The following SPPL3 variants were observed in gnomAD, a reference collection of about 807,000 sequenced individuals.
The protein encoded by SPPL3 is signal peptide peptidase-like 3.
SPPL3 carries 5 observed loss-of-function variants against 42.4 expected under a neutral mutation model. The ratio of observed to expected loss-of-function variants is 0.12; its 90% CI spans 0.06 to 0.25. The LOEUF (loss-of-function observed/expected upper bound fraction) is 0.25, where lower values mean the gene tolerates loss of function less well. Among genes scored for constraint, SPPL3 ranks in the 10% least tolerant of loss-of-function variants. The pLI, the probability that SPPL3 is intolerant of heterozygous loss-of-function variation, is 1.00. For synonymous variants in SPPL3, 195 were observed against 181.8 expected (o/e 1.07, Z -0.58); for missense variants, 235 against 489.0 (o/e 0.48, Z 4.90).
At chr12:120,823,596 T>C (rs1159018236) in intron 1 of SPPL3, among the ~76,000 whole-genome samples, 1 of 152,214 alleles carries the variant, frequency 6.6e-6, no homozygotes, top group Non-Finnish European at 1.5e-5. Flanking sequence ...CCATCAGGGC[T>C]CTGTCATCAG....
intron 6 of SPPL3, among the ~76,000 whole-genome samples, chr12:120,781,444 G>A (rs563299620): frequency 7.4e-5 from 11 of 148,812 alleles, no homozygotes; most frequent in African/African-American, 1.5e-4. Flanking sequence ...TGTATATCAC[G>A]TACATAATGC....
intron 2 of SPPL3, among the ~76,000 whole-genome samples, chr12:120,797,024 G>A (rs1870120353): frequency 6.6e-6 from 1 of 152,146 alleles, no homozygotes; most frequent in South Asian, 2.1e-4. Context: ...ACAAAAATTA[G>A]CCAGGTGTGG....
At chr12:120,891,573 C>G (rs1460134719) in intron 1 of SPPL3, among the ~76,000 whole-genome samples, 1 of 151,902 alleles carries the variant, frequency 6.6e-6, no homozygotes, top group Non-Finnish European at 1.5e-5. Flanking sequence ...AAGCGTAATA[C>G]AAAGACTATG....
chr12:120,766,089 A>AGCGCGCGC (rs762176472), intron 10 of SPPL3, among the ~76,000 whole-genome samples, 174 bp downstream of exon 10: 2 of 142,668 alleles, frequency 1.4e-5, no homozygotes, highest in Non-Finnish European at 3.0e-5. Flanking sequence ...ACGCCAGGGT[A>AGCGCGCGC]GCGCGCGCGC....
intron 1 of SPPL3, among the ~76,000 whole-genome samples, chr12:120,861,002 G>A (rs988362632): frequency 6.6e-6 from 1 of 152,032 alleles, no homozygotes; most frequent in Non-Finnish European, 1.5e-5. Flanking sequence ...GGGCTCCACA[G>A]GACTCTCATA....
chr12:120,809,072 G>A (rs747320836), intron 2 of SPPL3, among the ~76,000 whole-genome samples: 15 of 152,196 alleles, frequency 9.9e-5, no homozygotes, highest in Admixed American at 6.5e-4. Flanking sequence ...TTGGCTGGGC[G>A]CAGTGGCTCA....
chr12:120,854,219 G>C (rs1375679772), intron 1 of SPPL3, among the ~76,000 whole-genome samples: 4 of 152,134 alleles, frequency 2.6e-5, no homozygotes, highest in Admixed American at 1.3e-4. Flanking sequence ...AGAGGAAACT[G>C]ACCCAAGGAA....
chr12:120,846,051 C>T (rs1872029507), intron 1 of SPPL3, among the ~76,000 whole-genome samples: 1 of 152,116 alleles, frequency 6.6e-6, no homozygotes, highest in Non-Finnish European at 1.5e-5. Context: ...TGCATGCCAC[C>T]ACGCCCAGCT....
In SPPL3 at chr12:120,763,341, A is replaced by C. The variant is rs1868740219; in HGVS notation, c.*1658T>G. 1 of 152,732 alleles carries C rather than the reference A, an allele frequency of 6.5e-6. No homozygotes were observed. Among genetic ancestry groups the C allele is most frequent in the Non-Finnish European group, 1.5e-5 (1 of 68,100 alleles). 9.5% of individuals were successfully genotyped at this position (152,732 alleles called of 1,614,324 possible). A position where few individuals can be genotyped will look rare whatever the true frequency, so the allele number is the denominator to read the frequency against. On this transcript the variant is annotated 3_prime_UTR_variant, in exon 11 of 11. Coordinates refer to ENST00000353487, the MANE Select transcript of SPPL3 (RefSeq NM_139015.5). ...GACTGCTTCAGACTCTGTTGACAAC[A>C]GGATGGGTGCCCCCTGTGAGCTCGA...
At chr12:120,780,008 AAAG>A (rs1400916402) in intron 6 of SPPL3, among the ~76,000 whole-genome samples, 117 of 151,122 alleles carry the variant, frequency 7.7e-4, no homozygotes, top group African/African-American at 2.7e-3. Flanking sequence ...AAAAAAAAAA[AAAG>A]AAGTGGAAAC....
chr12:120,853,630 C>G (rs1422471435), intron 1 of SPPL3, among the ~76,000 whole-genome samples: 1 of 152,064 alleles, frequency 6.6e-6, no homozygotes, highest in African/African-American at 2.4e-5. Flanking sequence ...TCTTCTAGAC[C>G]AGTGATTCTC....
intron 2 of SPPL3, among the ~76,000 whole-genome samples, chr12:120,809,117 C>T (rs1190874666): frequency 2.0e-5 from 3 of 152,024 alleles, no homozygotes; most frequent in South Asian, 2.1e-4. Flanking sequence ...AGGCCAAGGC[C>T]GGTGGATCAC....
chr12:120,855,702 A>C (rs571782573), intron 1 of SPPL3, among the ~76,000 whole-genome samples: 2 of 152,148 alleles, frequency 1.3e-5, no homozygotes, highest in African/African-American at 4.8e-5. Flanking sequence ...CTCAAAAAAA[A>C]AAAAGAAAAG....
At chr12:120,806,125 T>C (rs1870480964) in intron 2 of SPPL3, among the ~76,000 whole-genome samples, 1 of 147,588 alleles carries the variant, frequency 6.8e-6, no homozygotes, top group Non-Finnish European at 1.5e-5. Context: ...GCGACAACAA[T>C]CAAAACATTG....
At chr12:120,787,154 T>C (rs1234381388) in intron 3 of SPPL3, among the ~76,000 whole-genome samples, 2 of 152,286 alleles carry the variant, frequency 1.3e-5, no homozygotes, top group African/African-American at 2.4e-5. Context: ...ACTTATTATA[T>C]AGTAAGCAAC....
intron 6 of SPPL3, among the ~76,000 whole-genome samples, chr12:120,776,758 G>GTA (rs1869335558): frequency 1.3e-5 from 2 of 152,246 alleles, no homozygotes; most frequent in South Asian, 4.1e-4. Flanking sequence ...CATGTAAATA[G>GTA]TATCATGTGT....
intron 2 of SPPL3, among the ~76,000 whole-genome samples, chr12:120,796,672 T>C (rs1759862250): frequency 6.6e-6 from 1 of 152,224 alleles, no homozygotes; most frequent in Non-Finnish European, 1.5e-5. Flanking sequence ...TTTGTTTCCA[T>C]GATTTATTAG....
intron 2 of SPPL3, among the ~76,000 whole-genome samples, chr12:120,807,833 A>G (rs1870550569): frequency 6.6e-6 from 1 of 152,198 alleles, no homozygotes; most frequent in South Asian, 2.1e-4. Flanking sequence ...AGACAAAATT[A>G]CATAAATCTC....
intron 1 of SPPL3, among the ~76,000 whole-genome samples, chr12:120,850,510 AAAAC>A (rs912061499): frequency 4.0e-5 from 6 of 151,280 alleles, no homozygotes; most frequent in African/African-American, 9.7e-5. Context: ...AAAAAAAAAA[AAAAC>A]AAAAGCCAAA....
Sources: allele counts gnomAD v4.1 joint callset (sites outside exome capture counted in the v4.1 genomes callset), GRCh38; gene constraint gnomAD v4.1.1; transcripts MANE v1.5; gene names NCBI Gene and HGNC (gene_info 2026-07-23, HGNC 2026-07-21).